The following EPS15 variants were observed in gnomAD, a reference collection of about 807,000 sequenced individuals.
The protein encoded by EPS15 is epidermal growth factor receptor substrate 15.
EPS15 carries 72 observed loss-of-function variants against 113.8 expected under a neutral mutation model. The observed-to-expected ratio is 0.63, with a 90% CI of 0.52 to 0.77. The LOEUF (loss-of-function observed/expected upper bound fraction) is 0.77, where lower values mean the gene tolerates loss of function less well. EPS15 is among the 30% of genes least tolerant of loss of function. EPS15 has a pLI of 0.00. For synonymous variants in EPS15, 344 were observed against 363.4 expected (o/e 0.95, Z 0.61); for missense variants, 1,048 against 1,045.8 (o/e 1.00, Z -0.03).
chr1:51,355,114 T>G lies in EPS15; in HGVS notation c.*1586A>C, dbSNP rs1485543676. Reference sequence around the variant, plus strand: ...ATGTATGACTTTTATGCAGAAATGTTTCTATTTACAAAGGTAGAAAAAAGT... The same window carrying G: ...ATGTATGACTTTTATGCAGAAATGTGTCTATTTACAAAGGTAGAAAAAAGT... On this transcript the variant is annotated 3_prime_UTR_variant, in exon 25 of 25. Transcript: ENST00000371733. 2 of 220,072 alleles carry G rather than the reference T, an allele frequency of 9.1e-6. No homozygotes were observed. The highest frequency in any genetic ancestry group is 2.2e-5 in the African/African-American group (1 of 44,596). The allele number at this position is 220,072 out of a possible 1,614,324, so 13.6% of individuals were successfully genotyped here. A position where few individuals can be genotyped will look rare whatever the true frequency, so the allele number is the denominator to read the frequency against.
At chr1:51,420,092 T>C (rs1650606940) in intron 13 of EPS15, among the ~76,000 whole-genome samples, 2 of 152,144 alleles carry the variant, frequency 1.3e-5, no homozygotes, top group South Asian at 4.1e-4. Flanking sequence ...GAGCACTCTA[T>C]GTGGAAAAAT....
At chr1:51,495,804 A>G (rs892966455) in intron 1 of EPS15, among the ~76,000 whole-genome samples, 2 of 152,180 alleles carry the variant, frequency 1.3e-5, no homozygotes, top group Admixed American at 6.5e-5. Flanking sequence ...ATGATTAATA[A>G]CCCAGAAATA....
At chr1:51,479,067 C>T (rs1050808422) in intron 2 of EPS15, among the ~76,000 whole-genome samples, 1 of 152,132 alleles carries the variant, frequency 6.6e-6, no homozygotes, top group African/African-American at 2.4e-5. Context: ...AACTTGGTTC[C>T]GTTCTCCCCA....
chr1:51,509,405 T>G (rs1238157219), intron 1 of EPS15, among the ~76,000 whole-genome samples: 2 of 152,136 alleles, frequency 1.3e-5, no homozygotes, highest in Non-Finnish European at 2.9e-5. Context: ...CTAAAATCTA[T>G]CAATTTACCT....
rs1458028344 is a variant in EPS15, at chr1:51,363,928, T to C, written c.2297A>G (p.Asp766Gly). 6 of 1,613,960 alleles carry C rather than the reference T, an allele frequency of 3.7e-6. No individual in the cohort carries two copies. The African/African-American group carries it at 6.7e-5, about 18-fold the overall frequency. Reference protein sequence around the residue: ...VFEETSVKSEDEPPALPPKIG... With the variant: ...VFEETSVKSEGEPPALPPKIG... The stretch of plus-strand genomic sequence containing the variant: ...CTTTGGTGGCAGTGCTGGGGGTTCA[T>C]CTTCACTTTTGACCGATGTTTCCTC... Residue 766 changes from aspartate to glycine, a missense_variant, in exon 23 of 25, where the codon GAT (aspartate) becomes GGT (glycine). Physicochemically the swap from Asp to Gly is moderately conservative, Grantham distance 94. Coordinates refer to ENST00000371733, the MANE Select transcript of EPS15 (RefSeq NM_001981.3).
In EPS15 at chr1:51,468,572, A is replaced by C; in HGVS notation, c.214-4T>G. On this transcript the variant is annotated splice_polypyrimidine_tract_variant and splice_region_variant and intron_variant, in intron 4 of 24. Coordinates refer to ENST00000371733, the MANE Select transcript of EPS15 (RefSeq NM_001981.3). ...GACGCAAAGCAACAAAGAATTCCTA[A>C]GAAAGAAAAGTATGAATGTTAAGAG... 6.2e-7 allele frequency: 1 copy of C among 1,602,292 alleles called. No homozygotes were observed.
At position 51,361,258 on chromosome 1, in the gene EPS15, A is replaced by C; in HGVS notation, c.2457T>G (p.Asp819Glu). The C allele has an allele frequency of 6.2e-7, 1 of 1,613,874 alleles. No homozygotes were observed. The highest frequency in any genetic ancestry group is 8.5e-7 in the Non-Finnish European group (1 of 1,179,798). The change falls in exon 24 of 25, where the codon GAT (aspartate) becomes GAG (glutamate). Residue 819 changes from aspartate to glutamate, a missense_variant. Asp to Glu is a conservative substitution (Grantham distance 45). Coordinates refer to ENST00000371733, the MANE Select transcript of EPS15 (RefSeq NM_001981.3). ...TGAATGGATCACAAAATATTTCAGGATCTTTTTCTTTGGGGCTATCGTTGC... is the reference window on the plus strand; with the variant it reads ...TGAATGGATCACAAAATATTTCAGGCTCTTTTTCTTTGGGGCTATCGTTGC... ...FPGNDSPKEK[D>E]PEIFCDPFTS...
At chr1:51,505,948 G>A (rs150925503) in intron 1 of EPS15, among the ~76,000 whole-genome samples, 12 of 152,070 alleles carry the variant, frequency 7.9e-5, no homozygotes, top group African/African-American at 2.2e-4. Context: ...TTACAATGGC[G>A]CAATCTTGGC....
At chr1:51,419,639 C>T (rs995016656) in intron 13 of EPS15, among the ~76,000 whole-genome samples, 5 of 152,096 alleles carry the variant, frequency 3.3e-5, no homozygotes, top group African/African-American at 1.2e-4. Context: ...CAGTGAAATA[C>T]ACTCTCTTTG....
intron 11 of EPS15, 119 bp downstream of exon 11, chr1:51,444,770 T>C (rs149953856): frequency 5.1e-6 from 5 of 989,770 alleles, no homozygotes; most frequent in Non-Finnish European, 7.5e-6. Context: ...AACAGTATAC[T>C]GTTCTGCTCT....
chr1:51,429,978 G>A (rs1048583038), intron 12 of EPS15, among the ~76,000 whole-genome samples: 1 of 152,088 alleles, frequency 6.6e-6, no homozygotes, highest in Non-Finnish European at 1.5e-5. Context: ...CACAGGAAAT[G>A]GTGAGTCCCT....
chr1:51,391,370 C>T (rs1406473742), intron 21 of EPS15, among the ~76,000 whole-genome samples: 4 of 151,478 alleles, frequency 2.6e-5, no homozygotes, highest in South Asian at 2.1e-4. Flanking sequence ...TGCTAAATGA[C>T]GAGTTAATGG....
chr1:51,423,493 T>TA, intron 12 of EPS15: 2 of 985,420 alleles, frequency 2.0e-6, no homozygotes, highest in African/African-American at 1.7e-5. Flanking sequence ...TGCAGCATGT[T>TA]AGAGATAAGT....
chr1:51,463,655 G>A lies in EPS15; in HGVS notation c.501+18C>T. 1 of 1,489,400 alleles carries A rather than the reference G, an allele frequency of 6.7e-7. No homozygotes were observed. The highest frequency in any genetic ancestry group is 9.3e-7 in the Non-Finnish European group (1 of 1,080,406). The allele number at this position is 1,489,400 out of a possible 1,614,324, so 92.3% of individuals were successfully genotyped here. On this transcript the variant is annotated intron_variant, in intron 7 of 24. Coordinates refer to ENST00000371733, the MANE Select transcript of EPS15 (RefSeq NM_001981.3). ...TAAAATACATAAAAATTACATTTCGGAGTAAATAATATCTTACTCTTCCAA... is the reference window on the plus strand; with the variant it reads ...TAAAATACATAAAAATTACATTTCGAAGTAAATAATATCTTACTCTTCCAA...
intron 5 of EPS15, among the ~76,000 whole-genome samples, chr1:51,466,967 AAGTAAAAG>A (rs1209135278): frequency 1.8e-4 from 27 of 152,232 alleles, no homozygotes; most frequent in Non-Finnish European, 3.1e-4. Flanking sequence ...AGAATTCAAT[AAGTAAAAG>A]AGCAACAACC....
At chr1:51,447,745 C>T (rs1653183072) in intron 9 of EPS15, among the ~76,000 whole-genome samples, 1 of 152,178 alleles carries the variant, frequency 6.6e-6, no homozygotes, top group Admixed American at 6.6e-5. Context: ...ACCAATAAAA[C>T]ATCCATATGA....
chr1:51,462,755 T>A (rs1186213221), intron 7 of EPS15, among the ~76,000 whole-genome samples: 1 of 151,950 alleles, frequency 6.6e-6, no homozygotes, highest in Non-Finnish European at 1.5e-5. Context: ...ATAATGTAAA[T>A]GTAGTTAATA....
rs549581702 is a variant in EPS15, at chr1:51,374,517, T to C, written c.2120-8488A>G. Among the ~76,000 whole-genome samples the C allele has an allele frequency of 4.6e-5, 7 of 152,110 alleles. No homozygotes were observed. The South Asian group carries it at 1.5e-3, about 32-fold the overall frequency. On this transcript the variant is annotated intron_variant, in intron 21 of 24. Coordinates refer to ENST00000371733, the MANE Select transcript of EPS15 (RefSeq NM_001981.3). ...TACTCGGGAGGGTGAGGCAGGAGAA[T>C]CGCTTGAACCTGGGAGGCGGAGGTT...
intron 18 of EPS15, 96 bp from the exon 19 acceptor site, chr1:51,401,049 G>T: frequency 1.3e-6 from 1 of 741,122 alleles, no homozygotes; most frequent in Non-Finnish European, 2.2e-6. Context: ...GCAAAGCAAA[G>T]TTTATTTCAA....
Sources: gnomAD v4.1 joint callset for allele counts (sites outside exome capture counted in the v4.1 genomes callset) on GRCh38, gnomAD v4.1.1 for gene constraint, MANE v1.5 for transcripts, NCBI Gene and HGNC (gene_info 2026-07-23, HGNC 2026-07-21) for gene names.